DIPK1A: variants seen among roughly 807,000 people sequenced by gnomAD.
DIPK1A encodes family with sequence similarity 69 member A.
In DIPK1A, 27 loss-of-function variants were observed where a neutral mutation model predicts 40.8. The ratio of observed to expected loss-of-function variants is 0.66; its 90% confidence interval spans 0.49 to 0.91. The LOEUF (loss-of-function observed/expected upper bound fraction) is 0.91. Ranked by LOEUF, DIPK1A falls within the 40% of genes least tolerant of loss-of-function variation. The pLI is 0.00. For missense variants in DIPK1A, 412 were observed against 505.7 expected (o/e 0.81, Z 1.78); for synonymous variants, 166 against 171.3 (o/e 0.97, Z 0.24).
In DIPK1A at chr1:92,870,231, A is replaced by T. The variant is rs2811599; in HGVS notation, c.189+6065T>A. ...GATGTCTCTCTTATAGCTGGATTTT[A>T]ATTTTTATTTTGTAAACAGAGTCTT... On this transcript the variant is annotated intron_variant, in intron 2 of 4. Transcript: ENST00000370310. Among the ~76,000 whole-genome samples the T allele has an allele frequency of 9.9e-4, 150 of 152,220 alleles. 3 individuals carry two copies. Among genetic ancestry groups the T allele is most frequent in the African/African-American group, 3.4e-3 (141 of 41,534 alleles).
At chr1:92,955,393 G>C (rs72728629) in intron 1 of DIPK1A, among the ~76,000 whole-genome samples, 12,028 of 152,204 alleles carry the variant, frequency 0.079, 537 homozygotes, top group Non-Finnish European at 0.098. Flanking sequence ...CCATTATGTG[G>C]GGGATGTTAA....
At chr1:92,879,991 C>T (rs1446880871) in intron 1 of DIPK1A, among the ~76,000 whole-genome samples, 1 of 152,228 alleles carries the variant, frequency 6.6e-6, no homozygotes, top group Admixed American at 6.5e-5. Flanking sequence ...TGTAAATACA[C>T]TATGGCAGTG....
At chr1:92,865,041 CAAA>C (rs56735279) in intron 2 of DIPK1A, among the ~76,000 whole-genome samples, 1 of 70,440 alleles carries the variant, frequency 1.4e-5, no homozygotes. Context: ...GACTCCGTCT[CAAA>C]AAAAAAAAAA....
intron 1 of DIPK1A, among the ~76,000 whole-genome samples, chr1:92,904,752 T>C (rs529330093): frequency 1.3e-5 from 2 of 152,108 alleles, no homozygotes; most frequent in South Asian, 4.1e-4. Context: ...TACTAGATCT[T>C]ATTCATTCTA....
chr1:92,860,529 C>T (rs1457971628), intron 2 of DIPK1A, among the ~76,000 whole-genome samples: 1 of 151,448 alleles, frequency 6.6e-6, no homozygotes, highest in Non-Finnish European at 1.5e-5. Context: ...GTGGCTCACA[C>T]CTATAATCCC....
downstream of DIPK1A, chr1:92,841,919 C>A: frequency 7.5e-7 from 1 of 1,339,150 alleles, no homozygotes; most frequent in Non-Finnish European, 1.1e-6. Context: ...TTATGAACAG[C>A]AACTATTTCT....
intron 4 of DIPK1A, chr1:92,833,961 A>G (rs1687017013): frequency 2.7e-6 from 1 of 375,194 alleles, no homozygotes; most frequent in Non-Finnish European, 5.0e-6. Flanking sequence ...TAAGAAAATT[A>G]GCTGGGCATG....
At chr1:92,838,313 G>A (rs1306350733), downstream of DIPK1A, among the ~76,000 whole-genome samples, 2 of 152,212 alleles carry the variant, frequency 1.3e-5, no homozygotes. Flanking sequence ...TATCAATAAT[G>A]TAGGTGCATG....
chr1:92,894,615 C>T (rs542356360), intron 1 of DIPK1A, among the ~76,000 whole-genome samples: 2 of 152,146 alleles, frequency 1.3e-5, no homozygotes, highest in Admixed American at 1.3e-4. Context: ...AGAGCAAACA[C>T]ATTCAAAAGC....
At chr1:92,954,390 TG>T (rs67910455) in intron 1 of DIPK1A, among the ~76,000 whole-genome samples, 74,204 of 90,112 alleles carry the variant, frequency 0.82, 29,763 homozygotes, top group South Asian at 0.89. Context: ...TTTTTTTTTT[TG>T]TTTTGAGACA....
chr1:92,933,056 G>A (rs1181828572), intron 1 of DIPK1A: 1 of 152,076 alleles, frequency 6.6e-6, no homozygotes, highest in Non-Finnish European at 1.5e-5. Flanking sequence ...ACAATGCTCT[G>A]CTTAATTTTG....
At chr1:92,849,625 G>T (rs1687747217) in intron 3 of DIPK1A, among the ~76,000 whole-genome samples, 1 of 152,020 alleles carries the variant, frequency 6.6e-6, no homozygotes, top group Admixed American at 6.5e-5. Flanking sequence ...CGATTCTTGT[G>T]CCTCAGCCTC....
chr1:92,961,172 C>T (rs1253532463), intron 1 of DIPK1A, among the ~76,000 whole-genome samples: 1 of 138,584 alleles, frequency 7.2e-6, no homozygotes, highest in East Asian at 2.2e-4. Flanking sequence ...GCGGGAGCCG[C>T]GAGGGCCGCG....
intron 1 of DIPK1A, among the ~76,000 whole-genome samples, chr1:92,925,074 T>C (rs769744179): frequency 2.0e-5 from 3 of 152,242 alleles, no homozygotes; most frequent in Non-Finnish European, 2.9e-5. Context: ...ACATTTCTTC[T>C]CCTTATCATT....
intron 1 of DIPK1A, among the ~76,000 whole-genome samples, chr1:92,905,399 T>C (rs549161839): frequency 6.6e-6 from 1 of 152,304 alleles, no homozygotes; most frequent in Admixed American, 6.5e-5. Flanking sequence ...AAGTACCTTT[T>C]CATATACCTG....
chr1:92,954,770 A>G (rs1651778334), intron 1 of DIPK1A, among the ~76,000 whole-genome samples: 1 of 152,184 alleles, frequency 6.6e-6, no homozygotes. Flanking sequence ...AAAAATAAAA[A>G]CAATAAAATG....
rs142085535 is a variant in DIPK1A, at chr1:92,945,925, C to T, written c.54+15451G>A. 1.3e-3 allele frequency among the ~76,000 whole-genome samples: 196 copies of T among 152,294 alleles called. 4 individuals carry two copies. The East Asian group carries it at 0.03, about 24-fold the overall frequency. On this transcript the variant is annotated intron_variant, in intron 1 of 4. Coordinates refer to ENST00000370310, the MANE Select transcript of DIPK1A (RefSeq NM_001006605.5). ...GTGATTTCAAATCATAATTCTGTTA[C>T]TTCATTAGGGATCCCAAAGGCTAGG...
intron 1 of DIPK1A, among the ~76,000 whole-genome samples, chr1:92,944,696 G>A (rs936996880): frequency 1.3e-5 from 2 of 152,154 alleles, no homozygotes; most frequent in Non-Finnish European, 2.9e-5. Flanking sequence ...GCAGTGGTGC[G>A]ATCTTGGCTC....
intron 2 of DIPK1A, among the ~76,000 whole-genome samples, chr1:92,857,902 G>A (rs1018027516): frequency 6.6e-6 from 1 of 152,120 alleles, no homozygotes; most frequent in Non-Finnish European, 1.5e-5. Context: ...AGCATGCAGA[G>A]CAGGTTTAGC....
Sources: gnomAD v4.1 joint callset for allele counts (sites outside exome capture counted in the v4.1 genomes callset) on GRCh38, gnomAD v4.1.1 for gene constraint, MANE v1.5 for transcripts, NCBI Gene and HGNC (gene_info 2026-07-23, HGNC 2026-07-21) for gene names.